The following PTPRD variants were observed in gnomAD, a reference collection of about 807,000 sequenced individuals.
PTPRD encodes the protein receptor-type tyrosine-protein phosphatase delta.
Under a neutral mutation model 214.5 loss-of-function variants are expected in PTPRD, and 34 were observed. The observed-to-expected ratio is 0.16, with a 90% CI of 0.12 to 0.21. The LOEUF is 0.21. Ranked by LOEUF, PTPRD falls within the 10% of genes least tolerant of loss-of-function variation. The pLI is 1.00. For missense variants in PTPRD, 2,545 were observed against 2,398.7 expected, an observed-to-expected ratio of 1.06 and a Z score of -1.27; for synonymous variants, 1,128 against 845.7, an observed-to-expected ratio of 1.33 and a Z score of -5.79.
At chr9:9,980,585 G>A (rs761125834) in intron 4 of PTPRD, among the ~76,000 whole-genome samples, 14 of 114,934 alleles carry the variant, frequency 1.2e-4, no homozygotes, top group Admixed American at 4.9e-4. Flanking sequence ...CTCCAGCTTG[G>A]GTAACAGAGT....
At chr9:9,175,635 A>C (rs12344481) in intron 10 of PTPRD, among the ~76,000 whole-genome samples, 118 of 66,264 alleles carry the variant, frequency 1.8e-3, no homozygotes, top group Middle Eastern at 7.9e-3. Context: ...AAAAAAAAAA[A>C]AAAAAAAAAA....
intron 7 of PTPRD, among the ~76,000 whole-genome samples, chr9:9,682,865 C>A (rs1221451918): frequency 1.3e-5 from 2 of 151,690 alleles, no homozygotes; most frequent in Non-Finnish European, 2.9e-5. Context: ...ACTCCAGGAC[C>A]TCATATTTAC....
intron 2 of PTPRD, among the ~76,000 whole-genome samples, chr9:10,593,731 T>A (rs2133039107): frequency 6.6e-6 from 1 of 152,136 alleles, no homozygotes. Context: ...CAGAGAAATG[T>A]TAATGAATGA....
chr9:8,331,746 G>C lies in PTPRD; in HGVS notation c.5380-10C>G, dbSNP rs1343155211. The C allele has an allele frequency of 6.3e-7, 1 of 1,577,744 alleles. No homozygotes were observed. Among genetic ancestry groups the C allele is most frequent in the East Asian group, 2.3e-5 (1 of 43,724 alleles). ...TTCGGGACTGGCCGTCCTTTAGAAG[G>C]AAAGCCACATACCCGGCCGCAAAGG... On this transcript the variant is annotated splice_polypyrimidine_tract_variant and intron_variant, in intron 43 of 45. Coordinates refer to ENST00000381196, the MANE Select transcript of PTPRD (RefSeq NM_002839.4).
At chr9:9,832,448 A>C (rs2055198482) in intron 5 of PTPRD, among the ~76,000 whole-genome samples, 2 of 151,982 alleles carry the variant, frequency 1.3e-5, no homozygotes, top group African/African-American at 4.8e-5. Flanking sequence ...AGTCATAGTC[A>C]TTTACTGTTC....
intron 39 of PTPRD, 59 bp downstream of exon 39, chr9:8,375,877 C>T (rs963621949): frequency 1.9e-6 from 3 of 1,561,726 alleles, no homozygotes; most frequent in South Asian, 1.2e-5. Flanking sequence ...GCAGAAACAT[C>T]CAATGAGAGT....
chr9:9,092,516 G>A (rs1303629416), intron 10 of PTPRD, among the ~76,000 whole-genome samples: 1 of 151,996 alleles, frequency 6.6e-6, no homozygotes, highest in Non-Finnish European at 1.5e-5. Flanking sequence ...AATAAGATGT[G>A]ATTTACAAAT....
chr9:10,318,001 CTATT>C (rs1180509143), intron 3 of PTPRD, among the ~76,000 whole-genome samples: 1 of 151,990 alleles, frequency 6.6e-6, no homozygotes, highest in African/African-American at 2.4e-5. Context: ...TAAAATTTAA[CTATT>C]TAGTCATTTT....
intron 8 of PTPRD, among the ~76,000 whole-genome samples, chr9:9,440,697 T>C (rs2087286359): frequency 6.6e-6 from 1 of 152,240 alleles, no homozygotes; most frequent in Non-Finnish European, 1.5e-5. Flanking sequence ...TATTTGTTCA[T>C]TAATCCAGCC....
chr9:8,330,492 C>T (rs1050429315), intron 44 of PTPRD, among the ~76,000 whole-genome samples: 18 of 152,118 alleles, frequency 1.2e-4, no homozygotes, highest in African/African-American at 4.3e-4. Context: ...CTGAGGTATG[C>T]CTGTATTTGA....
chr9:9,011,935 C>A (rs1589765494), intron 11 of PTPRD, among the ~76,000 whole-genome samples: 1 of 152,200 alleles, frequency 6.6e-6, no homozygotes, highest in Admixed American at 6.6e-5. Flanking sequence ...ATATTTCTAA[C>A]CAATAGAACT....
chr9:8,600,727 A>G (rs959618818), intron 14 of PTPRD, among the ~76,000 whole-genome samples: 5 of 151,858 alleles, frequency 3.3e-5, no homozygotes, highest in African/African-American at 1.2e-4. Flanking sequence ...TACTGACTAA[A>G]GAGCCCTTAG....
At chr9:8,634,187 A>C (rs912686814) in intron 13 of PTPRD, among the ~76,000 whole-genome samples, 1 of 151,904 alleles carries the variant, frequency 6.6e-6, no homozygotes, top group Non-Finnish European at 1.5e-5. Flanking sequence ...TCTTGGAAAC[A>C]GTTTAGTGAC....
intron 11 of PTPRD, among the ~76,000 whole-genome samples, chr9:8,962,452 T>A (rs1309165820): frequency 6.6e-6 from 1 of 151,998 alleles, no homozygotes; most frequent in South Asian, 2.1e-4. Flanking sequence ...ACTTTGGATG[T>A]GATTTTGGCA....
chr9:10,053,086 C>G (rs548794146), intron 3 of PTPRD, among the ~76,000 whole-genome samples: 5 of 151,966 alleles, frequency 3.3e-5, no homozygotes, highest in Non-Finnish European at 5.9e-5. Flanking sequence ...ATAGATAAGG[C>G]AAATGTTTTG....
intron 5 of PTPRD, among the ~76,000 whole-genome samples, chr9:9,779,044 A>G: frequency 7.7e-6 from 1 of 130,310 alleles, no homozygotes; most frequent in East Asian, 2.7e-4. Context: ...TCAAAGCCTC[A>G]CACCTACAGC....
intron 35 of PTPRD, among the ~76,000 whole-genome samples, chr9:8,414,828 A>G (rs955593672): frequency 6.9e-6 from 1 of 144,302 alleles, no homozygotes; most frequent in Non-Finnish European, 1.5e-5. Flanking sequence ...ACCATCAGTC[A>G]GGCATGTACA....
At chr9:9,180,055 T>C (rs574907036) in intron 10 of PTPRD, among the ~76,000 whole-genome samples, 6 of 152,164 alleles carry the variant, frequency 3.9e-5, no homozygotes, top group African/African-American at 1.4e-4. Flanking sequence ...GTTACATAAG[T>C]ACCGATTGCG....
chr9:9,593,220 C>G (rs1207976566), intron 7 of PTPRD, among the ~76,000 whole-genome samples: 4 of 150,506 alleles, frequency 2.7e-5, no homozygotes, highest in East Asian at 2.0e-4. Context: ...TTTGTTTTTC[C>G]CCCCCCTCAA....
Sources: allele counts gnomAD v4.1 joint callset (sites outside exome capture counted in the v4.1 genomes callset), GRCh38; gene constraint gnomAD v4.1.1; transcripts MANE v1.5; gene names NCBI Gene and HGNC (gene_info 2026-07-23, HGNC 2026-07-21).